ABI3BP: variants seen among roughly 807,000 people sequenced by gnomAD.
ABI3BP encodes the protein target of Nesh-SH3.
A neutral mutation model predicts 268.6 loss-of-function variants in ABI3BP; 216 were observed. The ratio of observed to expected loss-of-function variants is 0.80; its 90% CI spans 0.72 to 0.90. The LOEUF is 0.90. ABI3BP is among the 40% of genes least tolerant of loss of function. ABI3BP has a pLI of 0.00. For missense variants in ABI3BP, 2,090 were observed against 2,182.4 expected, an observed-to-expected ratio of 0.96 and a Z score of 0.84; for synonymous variants, 730 against 730.0, an observed-to-expected ratio of 1.00 and a Z score of 0.00.
intron 50 of ABI3BP, among the ~76,000 whole-genome samples, chr3:100,805,562 C>T (rs1364783835): frequency 1.3e-5 from 2 of 152,004 alleles, no homozygotes; most frequent in Non-Finnish European, 2.9e-5. Context: ...TTGAGTCTCA[C>T]CATAATGTTG....
chr3:100,765,106 G>GGA (rs2096210790), intron 63 of ABI3BP, among the ~76,000 whole-genome samples: 1 of 143,654 alleles, frequency 7.0e-6, no homozygotes, highest in Admixed American at 6.9e-5. Flanking sequence ...TGAACATTAT[G>GGA]AAAAAAAAAA....
intron 1 of ABI3BP, among the ~76,000 whole-genome samples, chr3:100,928,292 A>G (rs2062493540): frequency 6.6e-6 from 1 of 152,082 alleles, no homozygotes; most frequent in Non-Finnish European, 1.5e-5. Flanking sequence ...GACTATTGAA[A>G]AGACTGCATT....
intron 3 of ABI3BP, 47 bp downstream of exon 3, chr3:100,902,571 G>T (rs751022708): frequency 1.3e-6 from 2 of 1,569,446 alleles, no homozygotes; most frequent in East Asian, 4.5e-5. Flanking sequence ...GAAAAGTCAT[G>T]GTTCAAAGTT....
chr3:100,904,262 T>C (rs1238977972), intron 2 of ABI3BP, among the ~76,000 whole-genome samples: 1 of 152,162 alleles, frequency 6.6e-6, no homozygotes, highest in Non-Finnish European at 1.5e-5. Context: ...TGGGGCCCCA[T>C]GCTTAGAAAA....
chr3:100,921,474 C>T (rs1234279884), intron 2 of ABI3BP, among the ~76,000 whole-genome samples: 1 of 150,866 alleles, frequency 6.6e-6, no homozygotes, highest in Non-Finnish European at 1.5e-5. Context: ...GAAGCAGAAA[C>T]TTAAAATGTT....
At chr3:100,969,444 A>C (rs1052487824) in intron 1 of ABI3BP, among the ~76,000 whole-genome samples, 1 of 152,220 alleles carries the variant, frequency 6.6e-6, no homozygotes, top group Admixed American at 6.5e-5. Context: ...AGAGCCAAGT[A>C]CTAAAGGGAT....
rs1290127571 is a variant in ABI3BP at position 100,753,559 on chromosome 3, T to G, written c.4960+260A>C. Reference sequence around the variant, plus strand: ...CTCCCACCTCAGCCTCTCAGAGTGCTGGGATTACACTGGCTGTTTTATTAA... The same window carrying G: ...CTCCCACCTCAGCCTCTCAGAGTGCGGGGATTACACTGGCTGTTTTATTAA... On this transcript the variant is annotated intron_variant, in intron 65 of 67. Coordinates refer to ENST00000471714, the MANE Select transcript of ABI3BP (RefSeq NM_001375547.2). 4.6e-5 allele frequency among the ~76,000 whole-genome samples: 7 copies of G among 152,188 alleles called. No individual in the cohort carries two copies. The South Asian group carries it at 1.4e-3, about 32-fold the overall frequency.
intron 50 of ABI3BP, among the ~76,000 whole-genome samples, chr3:100,807,793 A>T (rs2152445958): frequency 6.6e-6 from 1 of 152,144 alleles, no homozygotes; most frequent in African/African-American, 2.4e-5. Flanking sequence ...ATGTATTGAG[A>T]AAAATTTCAA....
chr3:100,829,891 G>A (rs948438331), intron 32 of ABI3BP, among the ~76,000 whole-genome samples: 1 of 151,454 alleles, frequency 6.6e-6, no homozygotes, highest in African/African-American at 2.4e-5. Flanking sequence ...GCTTCTCACA[G>A]GGATTCCTGA....
intron 50 of ABI3BP, 96 bp downstream of exon 50, chr3:100,808,065 G>A: frequency 9.4e-7 from 1 of 1,065,166 alleles, no homozygotes; most frequent in Non-Finnish European, 1.4e-6. Context: ...AAGTGTTAAA[G>A]ACTCAATCTG....
rs1272866862 is a variant in ABI3BP at position 100,818,523 on chromosome 3, A to T, written c.3088+2T>A. 1 of 1,534,048 alleles carries T rather than the reference A, an allele frequency of 6.5e-7. No homozygotes were observed. Among genetic ancestry groups the T allele is most frequent in the South Asian group, 1.2e-5 (1 of 84,018 alleles). ...TATTTGAAGGACACACATTCTCATT[A>T]CCCATGGTTTTTGGAGCTTCAGTTC... On this transcript the variant is annotated splice_donor_variant, in intron 41 of 67. Transcript: ENST00000471714. LOFTEE classifies it high-confidence loss of function.
In ABI3BP at chr3:100,787,712, C is replaced by T. The variant is rs2097092880; in HGVS notation, c.4162+16G>A. Reference sequence around the variant, plus strand: ...GTTTTGACAGGATAAAAAGGAAATACATTTGTGATTATTACCTGTTCCCAC... The same window carrying T: ...GTTTTGACAGGATAAAAAGGAAATATATTTGTGATTATTACCTGTTCCCAC... On this transcript the variant is annotated intron_variant, in intron 57 of 67. Transcript: ENST00000471714. The T allele has an allele frequency of 4.0e-6, 6 of 1,508,700 alleles. No homozygotes were observed. Among genetic ancestry groups the T allele is most frequent in the South Asian group, 1.2e-5 (1 of 80,348 alleles). 93.5% of individuals were successfully genotyped at this position (1,508,700 alleles called of 1,614,324 possible). A position where few individuals can be genotyped will look rare whatever the true frequency, so the allele number is the denominator to read the frequency against.
chr3:100,874,949 T>A lies in ABI3BP; in HGVS notation c.818-16A>T, dbSNP rs754354175. 6.8e-7 allele frequency: 1 copy of A among 1,471,012 alleles called. No individual in the cohort carries two copies. Among genetic ancestry groups the A allele is most frequent in the Non-Finnish European group, 9.4e-7 (1 of 1,064,566 alleles). 91.1% of individuals were successfully genotyped at this position (1,471,012 alleles called of 1,614,324 possible). ...ATAAGGTGGACTGCAAGGAAATAGA[T>A]GTAAATAAGATAAGGGGAAGAAAGT... On this transcript the variant is annotated splice_polypyrimidine_tract_variant and intron_variant, in intron 8 of 67. Coordinates refer to ENST00000471714, the MANE Select transcript of ABI3BP (RefSeq NM_001375547.2).
chr3:100,852,688 A>G (rs996929422), intron 14 of ABI3BP, among the ~76,000 whole-genome samples: 8 of 152,198 alleles, frequency 5.3e-5, no homozygotes, highest in Non-Finnish European at 1.0e-4. Context: ...CATGTTACCT[A>G]GAGGCAGCTT....
intron 14 of ABI3BP, among the ~76,000 whole-genome samples, chr3:100,852,608 C>CTTTCCT (rs1310340862): frequency 3.9e-5 from 6 of 152,120 alleles, no homozygotes; most frequent in Non-Finnish European, 5.9e-5. Context: ...GTGTATTTTC[C>CTTTCCT]TTTCCTTCAG....
intron 40 of ABI3BP, among the ~76,000 whole-genome samples, chr3:100,819,296 CT>C (rs1331225032): frequency 6.6e-6 from 1 of 152,188 alleles, no homozygotes; most frequent in African/African-American, 2.4e-5. Flanking sequence ...TCCTGTCTGA[CT>C]CTCTTCATCT....
intron 1 of ABI3BP, among the ~76,000 whole-genome samples, chr3:100,946,368 C>CCA (rs2072291275): frequency 1.2e-5 from 1 of 82,588 alleles, no homozygotes; most frequent in African/African-American, 4.6e-5. Flanking sequence ...GACTCTATCT[C>CCA]AAAAAAAAAA....
intron 1 of ABI3BP, among the ~76,000 whole-genome samples, chr3:100,949,000 A>G (rs1031447323): frequency 2.9e-4 from 44 of 152,310 alleles, no homozygotes; most frequent in African/African-American, 1.1e-3. Flanking sequence ...AAACATTTTT[A>G]TATGTTCTTC....
chr3:100,786,836 G>A (rs2097062837), intron 57 of ABI3BP, among the ~76,000 whole-genome samples: 1 of 151,988 alleles, frequency 6.6e-6, no homozygotes, highest in Non-Finnish European at 1.5e-5. Context: ...CTCATTATTT[G>A]GTTTGAAGAT....
Sources: allele counts gnomAD v4.1 joint callset (sites outside exome capture counted in the v4.1 genomes callset), GRCh38; gene constraint gnomAD v4.1.1; transcripts MANE v1.5; gene names NCBI Gene and HGNC (gene_info 2026-07-23, HGNC 2026-07-21).